The following DLG5 variants were observed in gnomAD, a reference collection of about 807,000 sequenced individuals.
The protein encoded by DLG5 is disks large homolog 5.
A neutral mutation model predicts 189.8 loss-of-function variants in DLG5; 48 were observed. The observed-to-expected ratio is 0.25, with a 90% CI of 0.20 to 0.32. The LOEUF is 0.32. Ranked by LOEUF, DLG5 falls within the 10% of genes least tolerant of loss-of-function variation. DLG5 has a pLI of 1.00. For missense variants in DLG5, 2,160 were observed against 2,544.7 expected (o/e 0.85, Z 3.25); for synonymous variants, 1,016 against 1,054.1 (o/e 0.96, Z 0.70).
At chr10:77,863,543 G>A (rs937467869) in intron 2 of DLG5, among the ~76,000 whole-genome samples, 2 of 152,152 alleles carry the variant, frequency 1.3e-5, no homozygotes, top group African/African-American at 4.8e-5. Flanking sequence ...AGGCAAAACA[G>A]AAACTAACAT....
At chr10:77,914,843 C>G (rs1037533945) in intron 1 of DLG5, among the ~76,000 whole-genome samples, 2 of 152,210 alleles carry the variant, frequency 1.3e-5, no homozygotes, top group African/African-American at 4.8e-5. Context: ...GAAACCCCAA[C>G]TGTGGCCCAA....
At chr10:77,809,929 C>G (rs1015428862) in intron 23 of DLG5, among the ~76,000 whole-genome samples, 199 bp from the exon 24 acceptor site, 14 of 152,104 alleles carry the variant, frequency 9.2e-5, no homozygotes, top group Admixed American at 3.3e-4. Context: ...AAGGCAAGAC[C>G]CCAGGTCCAA....
At chr10:77,936,653 T>C in the DLG5 span, among the ~76,000 whole-genome samples, 1 of 152,178 alleles carries the variant, frequency 6.6e-6, no homozygotes, top group Non-Finnish European at 1.5e-5. Flanking sequence ...TGTGCCAAGT[T>C]CTTGGCTAAG....
Position 77,816,660 on chromosome 10 carries a change from G to T in DLG5, c.3916C>A (p.Pro1306Thr), listed in dbSNP as rs781197928. ...GAGGACAGGGTGTCGATGTTCAGGG[G>T]TGACTGTGGAGGAGTGCTGCATTCA... is the stretch of plus-strand genomic sequence containing the variant. ...HSECSTPPQS[P>T]LNIDTLSSCS... Residue 1306 changes from proline (P) to threonine (T), a missense_variant, in exon 20 of 32, where the codon CCC becomes ACC. Around this residue, in one of 5 missense-constraint regions of DLG5, gnomAD observed 754 missense variants for 746.5 expected, o/e 1.01. Transcript: ENST00000372391. The T allele has an allele frequency of 3.1e-6, 5 of 1,613,908 alleles. No homozygotes were observed. In the South Asian group the frequency reaches 5.5e-5, roughly 18 times the overall value.
At position 77,794,250 on chromosome 10, in the gene DLG5, A is replaced by C. The variant is rs902469005; in HGVS notation, c.5547-133T>G. 1.6e-5 allele frequency: 12 copies of C among 728,202 alleles called. No homozygotes were observed. In the Admixed American group the frequency reaches 2.7e-4, roughly 17 times the overall value. 45.1% of individuals were successfully genotyped at this position (728,202 alleles called of 1,614,324 possible). ...GAGGGAGGCCCCATGTGCTCCCCACATAAAGCACAGCAACAGCCTGTAGGC... is the reference window on the plus strand; with the variant it reads ...GAGGGAGGCCCCATGTGCTCCCCACCTAAAGCACAGCAACAGCCTGTAGGC... On this transcript the variant is annotated intron_variant, in intron 30 of 31. Transcript: ENST00000372391.
chr10:77,939,424 G>A, the DLG5 span, among the ~76,000 whole-genome samples: 4 of 152,262 alleles, frequency 2.6e-5, no homozygotes, highest in East Asian at 1.9e-4. Flanking sequence ...GGGAATTCTG[G>A]TGTGGGTAAA....
chr10:77,931,488 T>C (rs1589292224), upstream of DLG5, among the ~76,000 whole-genome samples: 1 of 151,080 alleles, frequency 6.6e-6, no homozygotes, highest in African/African-American at 2.4e-5. Flanking sequence ...GGCCTCAAGC[T>C]ATCCTCCTGC....
chr10:77,881,875 G>A (rs2154577383), intron 1 of DLG5, among the ~76,000 whole-genome samples: 1 of 152,334 alleles, frequency 6.6e-6, no homozygotes, highest in Non-Finnish European at 1.5e-5. Flanking sequence ...CAAGGACATG[G>A]CATCCCAGGC....
intron 2 of DLG5, chr10:77,868,685 C>A: frequency 4.4e-6 from 1 of 226,742 alleles, no homozygotes; most frequent in Non-Finnish European, 8.7e-6. Context: ...TGCTGGACTT[C>A]AGAGAAGGGC....
the DLG5 span, among the ~76,000 whole-genome samples, chr10:77,937,097 C>T: frequency 2.0e-5 from 3 of 152,148 alleles, no homozygotes; most frequent in South Asian, 6.2e-4. Context: ...CCCTCAATTC[C>T]TCAAGAATAT....
At chr10:77,811,764 C>A (rs1421829168) in intron 22 of DLG5, among the ~76,000 whole-genome samples, 160 bp downstream of exon 22, 1 of 152,170 alleles carries the variant, frequency 6.6e-6, no homozygotes, top group Non-Finnish European at 1.5e-5. Flanking sequence ...TCTATATATG[C>A]CCCTTTTCCA....
chr10:77,795,962 C>A, intron 29 of DLG5, 99 bp downstream of exon 29: 1 of 1,560,168 alleles, frequency 6.4e-7, no homozygotes, highest in Non-Finnish European at 8.8e-7. Flanking sequence ...CACTGAAGGT[C>A]TGAGCCGCTG....
intron 5 of DLG5, among the ~76,000 whole-genome samples, chr10:77,847,969 A>C (rs1312747329): frequency 1.3e-5 from 2 of 152,172 alleles, no homozygotes; most frequent in Non-Finnish European, 2.9e-5. Context: ...GGCTTCCCAA[A>C]GTGCTAAGAT....
At chr10:77,814,495 A>C (rs1339737631) in intron 20 of DLG5, among the ~76,000 whole-genome samples, 1 of 126,856 alleles carries the variant, frequency 7.9e-6, no homozygotes, top group Admixed American at 7.5e-5. Context: ...ATATATATAT[A>C]TATATATATA....
chr10:77,829,301 C>CA, intron 12 of DLG5, 54 bp downstream of exon 12: 1 of 1,610,532 alleles, frequency 6.2e-7, no homozygotes, highest in Non-Finnish European at 8.5e-7. Context: ...CCCCTGTCCA[C>CA]AAAAAAGGGC....
intron 26 of DLG5, chr10:77,806,155 A>G (rs1841460456): frequency 7.5e-6 from 3 of 401,680 alleles, no homozygotes; most frequent in South Asian, 8.2e-5. Context: ...AATTGGTGAC[A>G]TGACGAGTTA....
Position 77,796,386 on chromosome 10 carries a change from G to T in DLG5, c.5308+65C>A. On this transcript the variant is annotated intron_variant, in intron 28 of 31. Coordinates refer to ENST00000372391, the MANE Select transcript of DLG5 (RefSeq NM_004747.4). This position sits in a 1 kb window ranked among gnomAD's most constrained non-coding sequence, Gnocchi z 5.2. Reference sequence around the variant, plus strand: ...CCACCCACTGTGCACAGCTGGGCAGGCAGGTGGACAGGGACATAGAGACAA... The same window carrying T: ...CCACCCACTGTGCACAGCTGGGCAGTCAGGTGGACAGGGACATAGAGACAA... 6.2e-7 allele frequency: 1 copy of T among 1,611,856 alleles called. No individual in the cohort carries two copies. The highest frequency in any genetic ancestry group is 8.5e-7 in the Non-Finnish European group (1 of 1,178,432).
At chr10:77,893,183 A>G (rs959159621) in intron 1 of DLG5, among the ~76,000 whole-genome samples, 2 of 152,264 alleles carry the variant, frequency 1.3e-5, no homozygotes, top group East Asian at 3.9e-4. Flanking sequence ...AAGGAAGGAG[A>G]GAGAGAAGGA....
chr10:77,796,307 C>G lies in DLG5; in HGVS notation c.5309-119G>C. 6.3e-7 allele frequency: 1 copy of G among 1,588,532 alleles called. No homozygotes were observed. Among genetic ancestry groups the G allele is most frequent in the East Asian group, 2.2e-5 (1 of 44,588 alleles). On this transcript the variant is annotated intron_variant, in intron 28 of 31. Coordinates refer to ENST00000372391, the MANE Select transcript of DLG5 (RefSeq NM_004747.4). This position sits in a 1 kb window ranked among gnomAD's most constrained non-coding sequence, Gnocchi z 5.2. The stretch of plus-strand genomic sequence containing the variant: ...TAACCCAGTCCTGCCATGCATGAAT[C>G]TGACCCATGTCAGCAGGCTTCTGGA...
Sources: gnomAD v4.1 joint callset for allele counts (sites outside exome capture counted in the v4.1 genomes callset) on GRCh38, gnomAD v4.1.1 for gene constraint, gnomAD v4.1.1 regional missense constraint, Gnocchi (gnomAD v3.1) non-coding constraint, MANE v1.5 for transcripts, NCBI Gene and HGNC (gene_info 2026-07-23, HGNC 2026-07-21) for gene names.